The following MYT1L variants were observed in gnomAD, a reference collection of about 807,000 sequenced individuals.
MYT1L encodes the protein myelin transcription factor 1 like, also known as myelin transcription factor 1-like protein.
A neutral mutation model predicts 126.7 loss-of-function variants in MYT1L; 12 were observed. That is an observed-to-expected ratio of 0.09 (90% CI 0.06 to 0.15). MYT1L has a LOEUF of 0.15. MYT1L is among the 10% of genes least tolerant of loss of function. MYT1L has a pLI of 1.00. For missense variants in MYT1L, 979 were observed against 1,585.2 expected (o/e 0.62, Z 6.49); for synonymous variants, 541 against 604.2 (o/e 0.90, Z 1.53).
intron 3 of MYT1L, among the ~76,000 whole-genome samples, chr2:2,169,985 A>G (rs2089779968): frequency 2.0e-5 from 3 of 152,270 alleles, no homozygotes; most frequent in African/African-American, 7.2e-5. Flanking sequence ...TCCTCTTGAA[A>G]TCTTTTGAGT....
intron 8 of MYT1L, among the ~76,000 whole-genome samples, chr2:1,944,873 G>A (rs10181146): frequency 0.21 from 32,316 of 152,084 alleles, 3,517 homozygotes; most frequent in East Asian, 0.31. Flanking sequence ...ATCCCATAAT[G>A]AAAACGTGCA....
chr2:2,248,026 A>G (rs1387031344), intron 2 of MYT1L, among the ~76,000 whole-genome samples: 1 of 152,110 alleles, frequency 6.6e-6, no homozygotes, highest in Admixed American at 6.5e-5. Context: ...AAGAAAATAA[A>G]TAATAAAGAT....
At chr2:2,230,229 G>A (rs1269718307) in intron 2 of MYT1L, among the ~76,000 whole-genome samples, 2 of 152,164 alleles carry the variant, frequency 1.3e-5, no homozygotes, top group South Asian at 2.1e-4. Flanking sequence ...GGAAAAGGCA[G>A]GCAGCTGCTG....
intron 2 of MYT1L, among the ~76,000 whole-genome samples, chr2:2,204,412 C>T (rs1362282543): frequency 6.6e-6 from 1 of 150,630 alleles, no homozygotes; most frequent in African/African-American, 2.5e-5. Context: ...AACAAATTTA[C>T]AAGAAAAAAA....
intron 4 of MYT1L, among the ~76,000 whole-genome samples, chr2:2,017,662 GTA>G (rs1377954525): frequency 3.9e-5 from 6 of 152,130 alleles, no homozygotes; most frequent in Non-Finnish European, 8.8e-5. Flanking sequence ...CTTTGAAAAA[GTA>G]TACTTTAGGT....
At chr2:1,905,423 G>A (rs961512384) in intron 13 of MYT1L, among the ~76,000 whole-genome samples, 3 of 151,526 alleles carry the variant, frequency 2.0e-5, no homozygotes, top group Admixed American at 6.6e-5. Context: ...GCATGGTCTC[G>A]GCTCAATGCA....
chr2:1,873,494 GAACCCA>G (rs980276796), intron 18 of MYT1L, among the ~76,000 whole-genome samples: 1 of 152,216 alleles, frequency 6.6e-6, no homozygotes, highest in Non-Finnish European at 1.5e-5. Flanking sequence ...AGAGCTGATT[GAACCCA>G]AACTCAGTCA....
At chr2:1,968,957 G>A (rs1053899973) in intron 8 of MYT1L, among the ~76,000 whole-genome samples, 14 of 152,166 alleles carry the variant, frequency 9.2e-5, no homozygotes, top group Non-Finnish European at 1.6e-4. Flanking sequence ...GGGCACCCCA[G>A]AGCAGGCCAG....
Position 2,224,351 on chromosome 2 carries a change from G to A in MYT1L, c.-420-51363C>T, listed in dbSNP as rs546932364. On this transcript the variant is annotated intron_variant, in intron 2 of 24. Coordinates refer to ENST00000647738, the MANE Select transcript of MYT1L (RefSeq NM_001303052.2). This position sits in a 1 kb window ranked among gnomAD's most constrained non-coding sequence, Gnocchi z 4.0. ...TTCCAGCAGACAGCAAAGGAAGAAG[G>A]TCCATGGGCTCAGTGTCCCTCAAAA... Among the ~76,000 whole-genome samples the A allele has an allele frequency of 1.7e-4, 26 of 152,096 alleles. No homozygotes were observed. The highest frequency in any genetic ancestry group is 3.4e-4 in the Non-Finnish European group (23 of 68,032).
chr2:2,221,254 T>A (rs1443659430), intron 2 of MYT1L, among the ~76,000 whole-genome samples: 1 of 152,150 alleles, frequency 6.6e-6, no homozygotes, highest in African/African-American at 2.4e-5. Context: ...TGGGAGCCGC[T>A]GGCATAGATT....
intron 2 of MYT1L, among the ~76,000 whole-genome samples, chr2:2,267,589 G>A (rs899162799): frequency 2.6e-5 from 4 of 152,202 alleles, no homozygotes; most frequent in East Asian, 1.9e-4. Flanking sequence ...TGGGTTTTAG[G>A]AGAAGGGGAC....
intron 8 of MYT1L, among the ~76,000 whole-genome samples, chr2:1,952,127 G>A (rs1403354789): frequency 1.3e-5 from 2 of 152,076 alleles, no homozygotes; most frequent in African/African-American, 2.4e-5. Context: ...TGACAGACAC[G>A]TTCTATACAT....
chr2:2,057,868 T>C (rs1456758476), intron 3 of MYT1L, among the ~76,000 whole-genome samples: 3 of 152,190 alleles, frequency 2.0e-5, no homozygotes, highest in African/African-American at 4.8e-5. Flanking sequence ...CTATTTCCAG[T>C]TTTTGGCTAC....
At chr2:1,832,696 A>G (rs2040355215) in intron 21 of MYT1L, among the ~76,000 whole-genome samples, 1 of 152,126 alleles carries the variant, frequency 6.6e-6, no homozygotes, top group Non-Finnish European at 1.5e-5. Context: ...CCGGACTCCA[A>G]GAGTCACTTA....
At chr2:1,901,729 G>T (rs1047841897) in intron 14 of MYT1L, among the ~76,000 whole-genome samples, 6 of 152,152 alleles carry the variant, frequency 3.9e-5, no homozygotes, top group African/African-American at 1.2e-4. Context: ...CTTTTTCTTT[G>T]TTTTTGATAC....
At chr2:1,867,918 A>C (rs2045802617) in intron 18 of MYT1L, among the ~76,000 whole-genome samples, 1 of 152,118 alleles carries the variant, frequency 6.6e-6, no homozygotes, top group African/African-American at 2.4e-5. Context: ...TGTTAGAAAT[A>C]TCTATCTTTA....
chr2:2,322,399 TA>T (rs2096183113), intron 1 of MYT1L, among the ~76,000 whole-genome samples: 1 of 152,144 alleles, frequency 6.6e-6, no homozygotes, highest in Admixed American at 6.5e-5. Context: ...CACTCAACCT[TA>T]AAGTGCAACT....
intron 15 of MYT1L, among the ~76,000 whole-genome samples, chr2:1,890,566 C>T (rs1404750881): frequency 6.6e-6 from 1 of 151,792 alleles, no homozygotes; most frequent in Non-Finnish European, 1.5e-5. Context: ...TTAAATGATG[C>T]TTTGAAATGC....
chr2:1,803,932 G>A (rs1007378613), intron 22 of MYT1L, among the ~76,000 whole-genome samples: 2 of 152,138 alleles, frequency 1.3e-5, no homozygotes, highest in African/African-American at 4.8e-5. Context: ...CATCCTGCGA[G>A]CCCCCAGGCA....
Sources: allele counts gnomAD v4.1 joint callset (sites outside exome capture counted in the v4.1 genomes callset), GRCh38; gene constraint gnomAD v4.1.1; non-coding constraint Gnocchi (gnomAD v3.1); transcripts MANE v1.5; gene names NCBI Gene and HGNC (gene_info 2026-07-23, HGNC 2026-07-21).